MAP3K14: variants seen among roughly 807,000 people sequenced by gnomAD.
MAP3K14 encodes mitogen-activated protein kinase kinase kinase 14, also known as NF-kappa-beta-inducing kinase.
In MAP3K14, 16 loss-of-function variants were observed where a neutral mutation model predicts 99.2. The ratio of observed to expected loss-of-function variants is 0.16; its 90% CI spans 0.11 to 0.24. MAP3K14 has a LOEUF of 0.24. Ranked by LOEUF, MAP3K14 falls within the 10% of genes least tolerant of loss-of-function variation. The probability of loss-of-function intolerance (pLI) is 1.00; values close to 1 mark genes in which losing one functional copy is unlikely to be tolerated. For missense variants in MAP3K14, 784 were observed against 1,208.7 expected, an observed-to-expected ratio of 0.65 and a Z score of 5.21; for synonymous variants, 462 against 492.4, an observed-to-expected ratio of 0.94 and a Z score of 0.82.
At chr17:45,301,466 GA>G (rs879705847) in intron 1 of MAP3K14, among the ~76,000 whole-genome samples, 17 of 136,294 alleles carry the variant, frequency 1.2e-4, no homozygotes, top group Admixed American at 2.2e-4. Flanking sequence ...TCCATCTCAA[GA>G]AAAAAAAAAA....
At chr17:45,316,840 A>G (rs891775258) in intron 1 of MAP3K14, 120 bp downstream of exon 1, 2 of 151,334 alleles carry the variant, frequency 1.3e-5, no homozygotes, top group Non-Finnish European at 2.9e-5. Flanking sequence ...CTGGCCGCCG[A>G]CCCCACTGCT....
intron 7 of MAP3K14, 101 bp downstream of exon 7, chr17:45,274,363 G>A (rs1247279385): frequency 3.8e-6 from 6 of 1,577,786 alleles, no homozygotes; most frequent in Non-Finnish European, 5.2e-6. Context: ...GGGTCAAGAG[G>A]TTAACAATGG....
intron 1 of MAP3K14, among the ~76,000 whole-genome samples, chr17:45,304,888 A>C (rs1171494041): frequency 6.6e-6 from 1 of 152,102 alleles, no homozygotes; most frequent in Non-Finnish European, 1.5e-5. Context: ...CTTATCTGTA[A>C]TATAGGGATC....
At position 45,290,612 on chromosome 17, in the gene MAP3K14, A is replaced by G; in HGVS notation, c.134T>C (p.Val45Ala). The change falls in exon 2 of 16, where the codon GTG becomes GCG. Residue 45 changes from valine (V) to alanine (A), a missense_variant. Transcript: ENST00000344686. ...TCCGCAGAACACAGGGCTCTTCTCCACGGCCTCAAGCTTGTAGACGGAGCT... is the reference window on the plus strand; with the variant it reads ...TCCGCAGAACACAGGGCTCTTCTCCGCGGCCTCAAGCTTGTAGACGGAGCT... ...KQSSVYKLEA[V>A]EKSPVFCGKW... 1 of 1,613,624 alleles carries G rather than the reference A, an allele frequency of 6.2e-7. No homozygotes were observed.
At chr17:45,277,181 T>C (rs909422789) in intron 6 of MAP3K14, among the ~76,000 whole-genome samples, 1 of 152,140 alleles carries the variant, frequency 6.6e-6, no homozygotes, top group Admixed American at 6.6e-5. Flanking sequence ...ACTTTAAGTT[T>C]TAGGGTACAT....
chr17:45,270,651 C>G (rs1277167327), intron 10 of MAP3K14, 88 bp from the exon 11 acceptor site: 1 of 1,431,224 alleles, frequency 7.0e-7, no homozygotes, highest in Non-Finnish European at 9.2e-7. Flanking sequence ...CTCCCGCCGG[C>G]CCCTGTTCCC....
At chr17:45,304,246 C>T (rs2044414868) in intron 1 of MAP3K14, among the ~76,000 whole-genome samples, 1 of 152,116 alleles carries the variant, frequency 6.6e-6, no homozygotes, top group South Asian at 2.1e-4. Flanking sequence ...TCAAACAATC[C>T]ACCCGCCTTG....
intron 6 of MAP3K14, among the ~76,000 whole-genome samples, chr17:45,280,858 G>A (rs150821828): frequency 3.4e-3 from 514 of 152,136 alleles, no homozygotes; most frequent in African/African-American, 0.011. Flanking sequence ...TGATCTGCCC[G>A]CTTTGGCCTT....
chr17:45,266,924 C>T (rs1351285767), intron 13 of MAP3K14, among the ~76,000 whole-genome samples, 168 bp downstream of exon 13: 4 of 152,204 alleles, frequency 2.6e-5, no homozygotes, highest in Admixed American at 2.0e-4. Context: ...CCTCCCCCAA[C>T]CTAGTGAGGA....
chr17:45,266,472 G>T, intron 14 of MAP3K14, 65 bp downstream of exon 14: 3 of 1,523,684 alleles, frequency 2.0e-6, no homozygotes, highest in Non-Finnish European at 2.7e-6. Flanking sequence ...TCCCTCAATG[G>T]CTGTCTAGCT....
intron 1 of MAP3K14, among the ~76,000 whole-genome samples, chr17:45,305,926 C>T (rs2044427029): frequency 6.6e-6 from 1 of 152,192 alleles, no homozygotes; most frequent in Non-Finnish European, 1.5e-5. Context: ...ACTGGCAGTG[C>T]CTCAGCTCTG....
intron 2 of MAP3K14, 116 bp from the exon 3 acceptor site, chr17:45,289,421 C>T: frequency 1.3e-6 from 1 of 769,422 alleles, no homozygotes; most frequent in Non-Finnish European, 2.2e-6. Context: ...CCTTTCCAGA[C>T]AACCCCTGTC....
chr17:45,292,829 C>T (rs769496714), intron 1 of MAP3K14, among the ~76,000 whole-genome samples: 4 of 152,204 alleles, frequency 2.6e-5, no homozygotes, highest in African/African-American at 7.2e-5. Context: ...TCGATGTGAG[C>T]GTGACCTCCT....
intron 1 of MAP3K14, among the ~76,000 whole-genome samples, chr17:45,313,561 T>C (rs1029045448): frequency 2.0e-5 from 3 of 152,190 alleles, no homozygotes; most frequent in Admixed American, 6.5e-5. Context: ...CCTGACAGCC[T>C]CAGCCACCAC....
At position 45,267,339 on chromosome 17, in the gene MAP3K14, A is replaced by AGGC; in HGVS notation, c.2326+66_2326+67insGCC. 6.7e-7 allele frequency: 1 copy of AGGC among 1,495,840 alleles called. No individual in the cohort carries two copies. The highest frequency in any genetic ancestry group is 9.1e-7 in the Non-Finnish European group (1 of 1,101,486). The allele number at this position is 1,495,840 out of a possible 1,614,324, so 92.7% of individuals were successfully genotyped here. A position where few individuals can be genotyped will look rare whatever the true frequency, so the allele number is the denominator to read the frequency against. Reference sequence around the variant, plus strand: ...AAGCCCACACCGCAGGTAAAGAGAAACACCGGCCTCCGCGGGTGGCCCAGG... The same window carrying AGGC: ...AAGCCCACACCGCAGGTAAAGAGAAAGGCCACCGGCCTCCGCGGGTGGCCCAGG... On this transcript the variant is annotated intron_variant, in intron 12 of 15. Transcript: ENST00000344686. The surrounding 1 kb of genome is among the most constrained non-coding windows in gnomAD (Gnocchi z 5.1).
At position 45,267,383 on chromosome 17, in the gene MAP3K14, A is replaced by C. The variant is rs1448825682; in HGVS notation, c.2326+23T>G. The C allele has an allele frequency of 6.4e-7, 1 of 1,559,508 alleles. No individual in the cohort carries two copies. Among genetic ancestry groups the C allele is most frequent in the Admixed American group, 2.0e-5 (1 of 50,950 alleles). On this transcript the variant is annotated intron_variant, in intron 12 of 15. Transcript: ENST00000344686. The surrounding 1 kb of genome is among the most constrained non-coding windows in gnomAD (Gnocchi z 5.1). Reference sequence around the variant, plus strand: ...GCCCAGGGCCAGTGCTCAGGGCCCCACTGCAGCCACGGCTGCCCGTACCTA... The same window carrying C: ...GCCCAGGGCCAGTGCTCAGGGCCCCCCTGCAGCCACGGCTGCCCGTACCTA...
chr17:45,295,002 G>A (rs990553225), intron 1 of MAP3K14, among the ~76,000 whole-genome samples: 3 of 152,172 alleles, frequency 2.0e-5, no homozygotes, highest in African/African-American at 7.2e-5. Flanking sequence ...TTCTCTGACA[G>A]TAAAATTTCT....
intron 6 of MAP3K14, among the ~76,000 whole-genome samples, chr17:45,284,033 G>A (rs1431171490): frequency 6.6e-6 from 1 of 152,172 alleles, no homozygotes; most frequent in Non-Finnish European, 1.5e-5. Flanking sequence ...AGTGTGATCT[G>A]ACAGGAGGAG....
intron 5 of MAP3K14, among the ~76,000 whole-genome samples, chr17:45,285,705 G>A (rs571006399): frequency 3.6e-4 from 55 of 151,986 alleles, no homozygotes; most frequent in Admixed American, 9.8e-4. Flanking sequence ...CCTATAATCC[G>A]AGCACTTTTG....
Sources: gnomAD v4.1 joint callset for allele counts (sites outside exome capture counted in the v4.1 genomes callset) on GRCh38, gnomAD v4.1.1 for gene constraint, Gnocchi (gnomAD v3.1) non-coding constraint, MANE v1.5 for transcripts, NCBI Gene and HGNC (gene_info 2026-07-23, HGNC 2026-07-21) for gene names.